The following FOXRED2 variants were observed in gnomAD, a reference collection of about 807,000 sequenced individuals.
FOXRED2 encodes the protein FAD dependent oxidoreductase domain containing 2.
A neutral mutation model predicts 52.5 loss-of-function variants in FOXRED2; 32 were observed. The observed-to-expected ratio is 0.61, with a 90% CI of 0.46 to 0.82. The LOEUF (loss-of-function observed/expected upper bound fraction) is 0.82, where lower values mean the gene tolerates loss of function less well. FOXRED2 is among the 40% of genes least tolerant of loss of function. The pLI, the probability that FOXRED2 is intolerant of heterozygous loss-of-function variation, is 0.00. For missense variants in FOXRED2, 848 were observed against 937.5 expected (o/e 0.90, Z 1.25); for synonymous variants, 405 against 398.1 (o/e 1.02, Z -0.21).
At chr22:36,502,517 T>G (rs1199367625) in intron 4 of FOXRED2, among the ~76,000 whole-genome samples, 3 of 152,198 alleles carry the variant, frequency 2.0e-5, no homozygotes, top group Non-Finnish European at 4.4e-5. Context: ...TTGCCCAGGT[T>G]GGAGTGCAGC....
intron 5 of FOXRED2, 109 bp from the exon 6 acceptor site, chr22:36,498,265 T>C: frequency 7.6e-7 from 1 of 1,317,830 alleles, no homozygotes; most frequent in Non-Finnish European, 1.0e-6. Flanking sequence ...TACACACTGG[T>C]CTCCATGGCC....
intron 8 of FOXRED2, 69 bp from the exon 9 acceptor site, chr22:36,490,336 C>A (rs1425966948): frequency 2.1e-5 from 32 of 1,492,314 alleles, no homozygotes; most frequent in Non-Finnish European, 2.7e-5. Context: ...GAAAGGGGAG[C>A]TGCCAATGCC....
rs746393440 is a variant in FOXRED2, at chr22:36,493,706, CG to C, written c.1721del (p.Pro574ArgfsTer8). ...VEDFLTDWTA[P>X]IGHILPLRRF... ...GCCTCAGAGGTAGGATGTGCCCGAT[CG>C]GGGCAGTCCAGTCTGTTAAGAAGTC... On this transcript the variant is annotated frameshift_variant, in exon 8 of 9. Transcript: ENST00000397224. LOFTEE classifies it high-confidence loss of function. The C allele has an allele frequency of 1.2e-6, 2 of 1,614,066 alleles. No individual in the cohort carries two copies. The highest frequency in any genetic ancestry group is 2.2e-5 in the East Asian group (1 of 44,900).
In FOXRED2 at chr22:36,501,530, G is replaced by A. The variant is rs572244341; in HGVS notation, c.1050-123C>T. ...GGTTAGAGTACAATGGCGTGATCTC[G>A]GCTCACTGCAACCTCTGCCTCCTGG... is the stretch of plus-strand genomic sequence containing the variant. On this transcript the variant is annotated intron_variant, in intron 4 of 8. Coordinates refer to ENST00000397224, the MANE Select transcript of FOXRED2 (RefSeq NM_001102371.2). The A allele has an allele frequency of 2.8e-4, 252 of 898,254 alleles. 3 individuals are homozygous for A. The highest frequency in any genetic ancestry group is 2.8e-3 in the South Asian group (170 of 61,502). 55.6% of individuals were successfully genotyped at this position (898,254 alleles called of 1,614,324 possible). A position where few individuals can be genotyped will look rare whatever the true frequency, so the allele number is the denominator to read the frequency against.
intron 7 of FOXRED2, among the ~76,000 whole-genome samples, chr22:36,494,954 G>T (rs1291396878): frequency 1.4e-5 from 2 of 146,684 alleles, no homozygotes; most frequent in Non-Finnish European, 3.0e-5. Flanking sequence ...TTGTTTGTTT[G>T]TTTTTTTTGA....
intron 6 of FOXRED2, among the ~76,000 whole-genome samples, chr22:36,497,472 G>A (rs1394260329): frequency 3.3e-5 from 5 of 152,210 alleles, no homozygotes; most frequent in Non-Finnish European, 7.3e-5. Flanking sequence ...TGTTCCCTCT[G>A]ACTGAAGGTT....
In FOXRED2 at chr22:36,506,101, G is replaced by A. The variant is rs375128648; in HGVS notation, c.322C>T (p.Arg108Trp). 7 of 1,614,120 alleles carry A rather than the reference G, an allele frequency of 4.3e-6. No individual in the cohort carries two copies. The highest frequency in any genetic ancestry group is 5.1e-6 in the Non-Finnish European group (6 of 1,180,042). Residue 108 changes from arginine to tryptophan, a missense_variant, in exon 2 of 9, where the codon CGG (arginine) becomes TGG (tryptophan). By Grantham distance (101) the Arg-to-Trp change is moderately radical. Transcript: ENST00000397224. ...CGCGAGTAGTGTCTGAAGAGCAGCC[G>A]GGGGTCGTGGCTGAGCAGAGAGTTC... ...DWNSLLSHDP[R>W]LLFRHYSRAY... is the part of the protein sequence containing the mutation.
intron 8 of FOXRED2, among the ~76,000 whole-genome samples, chr22:36,490,808 G>A (rs1568985777): frequency 1.3e-5 from 2 of 152,200 alleles, no homozygotes; most frequent in African/African-American, 4.8e-5. Flanking sequence ...GAAAGCTGGT[G>A]CATGAATCAA....
Position 36,498,088 on chromosome 22 carries a change from T to A in FOXRED2, c.1285A>T (p.Ile429Phe). 6.2e-7 allele frequency: 1 copy of A among 1,613,802 alleles called. No homozygotes were observed. The highest frequency in any genetic ancestry group is 8.5e-7 in the Non-Finnish European group (1 of 1,179,998). The change falls in exon 6 of 9, where the codon ATC becomes TTC. Residue 429 changes from isoleucine to phenylalanine, a missense_variant. Ile to Phe is a conservative substitution (Grantham distance 21, BLOSUM62 0). Transcript: ENST00000397224. ...SVTWPATELPITQLTSSIVRR... is the reference protein window; with the variant it reads ...SVTWPATELPFTQLTSSIVRR... ...ACGATGGAGCTGGTCAGCTGTGTGA[T>A]GGGGAGCTCAGTGGCGGGCCAGGTG...
At position 36,506,389 on chromosome 22, in the gene FOXRED2, G is replaced by C. The variant is rs1038879954; in HGVS notation, c.34C>G (p.Pro12Ala). 9.7e-6 allele frequency: 14 copies of C among 1,441,032 alleles called. No homozygotes were observed. The highest frequency in any genetic ancestry group is 1.4e-5 in the African/African-American group (1 of 69,826). The allele number at this position is 1,441,032 out of a possible 1,614,324, so 89.3% of individuals were successfully genotyped here. A position where few individuals can be genotyped will look rare whatever the true frequency, so the allele number is the denominator to read the frequency against. ...GLSAAAPLWG[P>A]PGLLLAIALH... is the part of the protein sequence containing the mutation. ...GCGATGGCCAGGAGCAGCCCCGGGGGACCCCACAACGGGGCCGCAGCGGAG... is the reference window on the plus strand; with the variant it reads ...GCGATGGCCAGGAGCAGCCCCGGGGCACCCCACAACGGGGCCGCAGCGGAG... Residue 12 changes from proline to alanine, a missense_variant, in exon 2 of 9, where the codon CCC becomes GCC. Coordinates refer to ENST00000397224, the MANE Select transcript of FOXRED2 (RefSeq NM_001102371.2).
chr22:36,505,656 A>C (rs1163950931), intron 2 of FOXRED2, among the ~76,000 whole-genome samples: 1 of 152,136 alleles, frequency 6.6e-6, no homozygotes. Flanking sequence ...CTGTAATCCC[A>C]GCTACTGGGG....
rs114874620 is a variant in FOXRED2, at chr22:36,491,879, C to A, written c.1796-1612G>T. On this transcript the variant is annotated intron_variant, in intron 8 of 8. Coordinates refer to ENST00000397224, the MANE Select transcript of FOXRED2 (RefSeq NM_001102371.2). ...CTTTAAACAAACAGAAGAGCTGACA[C>A]AGATATGGGCTCAGCCTTCTGAGGG... Among the ~76,000 whole-genome samples, 492 of 152,258 alleles carry A rather than the reference C, an allele frequency of 3.2e-3. 3 individuals are homozygous for A. Among genetic ancestry groups the A allele is most frequent in the African/African-American group, 0.011 (471 of 41,554 alleles).
At chr22:36,495,705 G>A (rs1305892277) in intron 7 of FOXRED2, among the ~76,000 whole-genome samples, 1 of 152,244 alleles carries the variant, frequency 6.6e-6, no homozygotes, top group African/African-American at 2.4e-5. Context: ...CTGCAGCAGG[G>A]CCGTGTCCCT....
At chr22:36,501,208 T>A in intron 5 of FOXRED2, 33 bp downstream of exon 5, 3 of 1,610,280 alleles carry the variant, frequency 1.9e-6, no homozygotes, top group Non-Finnish European at 2.5e-6. Flanking sequence ...TGGTTCCGTC[T>A]GGGGACAGTT....
chr22:36,503,288 C>T (rs1170140957), intron 4 of FOXRED2, among the ~76,000 whole-genome samples: 3 of 151,754 alleles, frequency 2.0e-5, no homozygotes, highest in Admixed American at 6.6e-5. Flanking sequence ...TGAGCCACTG[C>T]ACCTGGCCTC....
rs371062875 is a variant in FOXRED2, at chr22:36,490,264, G to A, written c.1799C>T (p.Ser600Phe). Residue 600 changes from serine to phenylalanine, a missense_variant, in exon 9 of 9, where the codon TCC becomes TTC. By Grantham distance (155) the Ser-to-Phe change is radical (BLOSUM62 -2). Transcript: ENST00000397224. ...GCGCGTGAGGGCGAACAGGAAGCAG[G>A]ACTCTACACAAAAGCAAAATGAGGA... ...DTDLRSFYAE[S>F]CFLFALTRQK... is the part of the protein sequence containing the mutation. 12 of 1,594,306 alleles carry A rather than the reference G, an allele frequency of 7.5e-6. No homozygotes were observed. The highest frequency in any genetic ancestry group is 1.0e-5 in the Non-Finnish European group (12 of 1,166,810).
At chr22:36,492,175 G>C (rs1034242653) in intron 8 of FOXRED2, among the ~76,000 whole-genome samples, 2 of 152,200 alleles carry the variant, frequency 1.3e-5, no homozygotes, top group Admixed American at 1.3e-4. Flanking sequence ...TGAGGAAGAG[G>C]ACAGCGGGAA....
intron 8 of FOXRED2, 52 bp downstream of exon 8, chr22:36,493,581 C>T: frequency 1.3e-6 from 2 of 1,544,394 alleles, no homozygotes; most frequent in Non-Finnish European, 1.8e-6. Flanking sequence ...TCTCTGTGAC[C>T]TTTCTTCAAC....
At chr22:36,505,626 C>T (rs1301897787) in intron 2 of FOXRED2, among the ~76,000 whole-genome samples, 2 of 152,084 alleles carry the variant, frequency 1.3e-5, no homozygotes, top group Non-Finnish European at 2.9e-5. Flanking sequence ...AAAAAATTAG[C>T]CGGGTGTGGT....
Sources: gnomAD v4.1 joint callset for allele counts (sites outside exome capture counted in the v4.1 genomes callset) on GRCh38, gnomAD v4.1.1 for gene constraint, MANE v1.5 for transcripts, NCBI Gene and HGNC (gene_info 2026-07-23, HGNC 2026-07-21) for gene names.